The following EPN2 variants were observed in gnomAD, a reference collection of about 807,000 sequenced individuals.
EPN2 encodes epsin-2.
EPN2 carries 34 observed loss-of-function variants against 61.7 expected under a neutral mutation model. The observed-to-expected ratio is 0.55, with a 90% confidence interval of 0.42 to 0.73. The LOEUF (loss-of-function observed/expected upper bound fraction) is 0.73. Among genes scored for constraint, EPN2 ranks in the 30% least tolerant of loss-of-function variants. EPN2 has a pLI of 0.00. For synonymous variants in EPN2, 349 were observed against 353.6 expected, an observed-to-expected ratio of 0.99 and a Z score of 0.15; for missense variants, 714 against 839.2, an observed-to-expected ratio of 0.85 and a Z score of 1.84.
chr17:19,316,106 A>C (rs1427109681), intron 7 of EPN2, among the ~76,000 whole-genome samples: 1 of 152,208 alleles, frequency 6.6e-6, no homozygotes, highest in South Asian at 2.1e-4. Flanking sequence ...CATTGCATGG[A>C]TATACAACAC....
In EPN2 at chr17:19,328,781, G is replaced by T. The variant is rs960054704; in HGVS notation, c.1218G>T (p.Lys406Asn). 2.1e-5 allele frequency: 34 copies of T among 1,613,516 alleles called. No individual in the cohort carries two copies. The highest frequency in any genetic ancestry group is 2.8e-5 in the Non-Finnish European group (33 of 1,179,666). The stretch of plus-strand genomic sequence containing the variant: ...GAGCCACCGTACAATCTGTCCCCAA[G>T]AACTCGGACCCCTGGGCAGCTTCAC... ...PTGATVQSVP[K>N]NSDPWAASQQ... Residue 406 changes from lysine (K) to asparagine (N), a missense_variant, in exon 8 of 11, where the codon AAG becomes AAT. Lys to Asn is a moderately conservative substitution (Grantham distance 94). Coordinates refer to ENST00000314728, the MANE Select transcript of EPN2 (RefSeq NM_014964.5).
chr17:19,254,000 T>G (rs1175299662), intron 1 of EPN2, among the ~76,000 whole-genome samples: 1 of 151,486 alleles, frequency 6.6e-6, no homozygotes, highest in East Asian at 2.0e-4. Context: ...GGTGTGGTGG[T>G]GCACATCTGT....
At chr17:19,275,224 G>A (rs1349665097) in intron 1 of EPN2, among the ~76,000 whole-genome samples, 1 of 152,194 alleles carries the variant, frequency 6.6e-6, no homozygotes, top group Non-Finnish European at 1.5e-5. Context: ...GTTCAGGGGA[G>A]CGCCCATGCT....
intron 1 of EPN2, among the ~76,000 whole-genome samples, chr17:19,271,169 T>C (rs1006702092): frequency 6.8e-6 from 1 of 147,918 alleles, no homozygotes; most frequent in African/African-American, 2.5e-5. Flanking sequence ...GGGGGTGGTG[T>C]GGGGGCAGGA....
chr17:19,296,662 A>G (rs1296502769), intron 4 of EPN2: 2 of 152,146 alleles, frequency 1.3e-5, no homozygotes, highest in Admixed American at 6.5e-5. Context: ...AGGCTGGAGC[A>G]TTGTGGCACA....
At chr17:19,319,473 G>T (rs1300073744) in intron 7 of EPN2, among the ~76,000 whole-genome samples, 2 of 150,906 alleles carry the variant, frequency 1.3e-5, no homozygotes, top group Non-Finnish European at 2.9e-5. Flanking sequence ...TGAGATTACA[G>T]GCGAGTGCCA....
At chr17:19,291,051 T>G (rs1461717402) in intron 4 of EPN2, among the ~76,000 whole-genome samples, 1 of 152,238 alleles carries the variant, frequency 6.6e-6, no homozygotes, top group Non-Finnish European at 1.5e-5. Flanking sequence ...GCCAAGTGAT[T>G]ACTAGAAAGG....
intron 1 of EPN2, among the ~76,000 whole-genome samples, chr17:19,256,024 G>A (rs1295172170): frequency 2.0e-5 from 3 of 151,994 alleles, no homozygotes; most frequent in Non-Finnish European, 1.5e-5. Flanking sequence ...TGCAAGCTCT[G>A]CCTCCTGGGT....
intron 4 of EPN2, among the ~76,000 whole-genome samples, chr17:19,300,746 G>C (rs948824042): frequency 4.1e-4 from 62 of 152,132 alleles, no homozygotes; most frequent in African/African-American, 1.4e-3. Context: ...AATCTTGGAG[G>C]CCTTCCTGGA....
intron 1 of EPN2, among the ~76,000 whole-genome samples, chr17:19,240,411 A>G (rs1458088550): frequency 6.6e-6 from 1 of 152,000 alleles, no homozygotes; most frequent in Non-Finnish European, 1.5e-5. Flanking sequence ...ATGCCCGGCT[A>G]ATTTTTGTAT....
intron 10 of EPN2, among the ~76,000 whole-genome samples, chr17:19,332,285 C>T (rs1167568242): frequency 6.6e-6 from 1 of 152,010 alleles, no homozygotes; most frequent in Non-Finnish European, 1.5e-5. Context: ...AATAGCTCCT[C>T]TCCTCTCAGT....
intron 1 of EPN2, among the ~76,000 whole-genome samples, chr17:19,268,896 G>T (rs1378075161): frequency 6.6e-6 from 1 of 152,174 alleles, no homozygotes; most frequent in Non-Finnish European, 1.5e-5. Context: ...ATACTGTTCA[G>T]TTTTACTAGT....
Position 19,289,728 on chromosome 17 carries a change from T to TG in EPN2, c.766+3938_766+3939insG, listed in dbSNP as rs200089991. Among the ~76,000 whole-genome samples, 10 of 115,502 alleles carry TG rather than the reference T, an allele frequency of 8.7e-5. 1 individual carries two copies. The East Asian group carries it at 1.7e-3, about 20-fold the overall frequency. The allele number at this position is 115,502 out of a possible 152,430, so 75.8% of individuals were successfully genotyped here. ...CGGCCTCACCTGGCGCTCATGGTTT[T>TG]TTTTTTTTTTTTTTTTGAGATGGAG... On this transcript the variant is annotated intron_variant, in intron 4 of 10. Coordinates refer to ENST00000314728, the MANE Select transcript of EPN2 (RefSeq NM_014964.5).
intron 9 of EPN2, among the ~76,000 whole-genome samples, chr17:19,331,541 C>G (rs1907153588): frequency 6.6e-6 from 1 of 151,970 alleles, no homozygotes; most frequent in Non-Finnish European, 1.5e-5. Context: ...AGTAAATTGC[C>G]CATGCCTAGC....
chr17:19,310,353 G>T (rs914483815), intron 5 of EPN2, among the ~76,000 whole-genome samples: 1 of 152,076 alleles, frequency 6.6e-6, no homozygotes, highest in Non-Finnish European at 1.5e-5. Context: ...CAGGGTGGGC[G>T]CAGGGATGCA....
intron 7 of EPN2, among the ~76,000 whole-genome samples, chr17:19,315,593 TCTC>T (rs1198861118): frequency 6.6e-6 from 1 of 152,126 alleles, no homozygotes; most frequent in Non-Finnish European, 1.5e-5. Flanking sequence ...TTCAAGCAAT[TCTC>T]CTGCTTCATC....
intron 1 of EPN2, among the ~76,000 whole-genome samples, chr17:19,240,220 T>C (rs912364144): frequency 6.6e-6 from 1 of 152,086 alleles, no homozygotes; most frequent in African/African-American, 2.4e-5. Context: ...CCCTGAGCCT[T>C]GGAGAAGTCA....
intron 1 of EPN2, among the ~76,000 whole-genome samples, chr17:19,260,049 C>G (rs914314353): frequency 6.6e-6 from 1 of 152,216 alleles, no homozygotes; most frequent in Non-Finnish European, 1.5e-5. Flanking sequence ...TCCCTGTGGA[C>G]TGTGCCACTG....
In EPN2 at chr17:19,283,106, CAAAG is replaced by C. The variant is rs1567853530; in HGVS notation, c.-10_-7del. 12 of 1,594,596 alleles carry C rather than the reference CAAAG, an allele frequency of 7.5e-6. No homozygotes were observed. The highest frequency in any genetic ancestry group is 9.4e-6 in the Non-Finnish European group (11 of 1,167,670). ...TGTTTGAAGGGCTTTAAACTTATAA[CAAAG>C]AAAATAAAAATGACGACTTCGTCTA... On this transcript the variant is annotated 5_prime_UTR_variant, in exon 3 of 11. Transcript: ENST00000314728. The surrounding 1 kb of genome is among the most constrained non-coding windows in gnomAD (Gnocchi z 7.0).
Sources: gnomAD v4.1 joint callset for allele counts (sites outside exome capture counted in the v4.1 genomes callset) on GRCh38, gnomAD v4.1.1 for gene constraint, Gnocchi (gnomAD v3.1) non-coding constraint, MANE v1.5 for transcripts, NCBI Gene and HGNC (gene_info 2026-07-23, HGNC 2026-07-21) for gene names.